TWSG1: variants seen among roughly 807,000 people sequenced by gnomAD.
TWSG1 encodes the protein twisted gastrulation protein homolog 1.
In TWSG1, 15 loss-of-function variants were observed where a neutral mutation model predicts 23.0. The observed-to-expected ratio is 0.65, with a 90% CI of 0.44 to 1.00. The LOEUF is 1.00. Among genes scored for constraint, TWSG1 ranks in the 50% least tolerant of loss-of-function variants. The probability of loss-of-function intolerance (pLI) is 0.00; values close to 1 mark genes in which losing one functional copy is unlikely to be tolerated. For synonymous variants in TWSG1, 86 were observed against 92.8 expected (o/e 0.93, Z 0.42); for missense variants, 242 against 278.7 (o/e 0.87, Z 0.94).
intron 3 of TWSG1, among the ~76,000 whole-genome samples, chr18:9,390,054 C>T (rs2040704789): frequency 6.6e-6 from 1 of 152,228 alleles, no homozygotes; most frequent in Non-Finnish European, 1.5e-5. Context: ...AGCCTTCAGG[C>T]AGTTGTAATC....
chr18:9,349,914 G>A (rs2145598229), intron 2 of TWSG1, among the ~76,000 whole-genome samples: 1 of 152,270 alleles, frequency 6.6e-6, no homozygotes, highest in East Asian at 1.9e-4. Flanking sequence ...GGCTGAGGCG[G>A]GCAGGTCACA....
At chr18:9,336,226 T>A (rs2040422491) in intron 1 of TWSG1, among the ~76,000 whole-genome samples, 1 of 152,044 alleles carries the variant, frequency 6.6e-6, no homozygotes, top group Non-Finnish European at 1.5e-5. Flanking sequence ...ACCCCGTCTC[T>A]ACTAAAAATA....
rs559602441 is a variant in TWSG1, at chr18:9,396,938, A to G, written c.490+392A>G. Reference sequence around the variant, plus strand: ...GCCGGGTGTGGTGGCGGGCGCCTGTAGTCCAGCTACGAGGGAGGCTGAGGC... The same window carrying G: ...GCCGGGTGTGGTGGCGGGCGCCTGTGGTCCAGCTACGAGGGAGGCTGAGGC... On this transcript the variant is annotated intron_variant, in intron 4 of 4. Transcript: ENST00000262120. 1.6e-4 allele frequency: 34 copies of G among 209,094 alleles called. No individual in the cohort carries two copies. In the South Asian group the frequency reaches 4.2e-3, roughly 26 times the overall value. The allele number at this position is 209,094 out of a possible 1,614,324, so 13.0% of individuals were successfully genotyped here.
Position 9,360,011 on chromosome 18 carries a change from T to C in TWSG1, c.163T>C (p.Cys55Arg). The C allele has an allele frequency of 6.2e-7, 1 of 1,613,768 alleles. No homozygotes were observed. Among genetic ancestry groups the C allele is most frequent in the Non-Finnish European group, 8.5e-7 (1 of 1,179,716 alleles). The change falls in exon 3 of 5, where the codon TGC becomes CGC. Residue 55 changes from cysteine to arginine, a missense_variant. Cys to Arg is a radical substitution (Grantham distance 180, BLOSUM62 -3). Transcript: ENST00000262120. ...CCGGCCGGGAGAAGGCAATTGCTCC[T>C]GCTGTAAGGAGTGCATGCTGTGTCT... Reference protein sequence around the residue: ...QCRPGEGNCSCCKECMLCLGA... With the variant: ...QCRPGEGNCSRCKECMLCLGA...
intron 2 of TWSG1, among the ~76,000 whole-genome samples, chr18:9,351,622 G>GTTTTTTTTTTTTTTTTTTTTTTTT (rs71168051): frequency 5.1e-5 from 6 of 116,584 alleles, no homozygotes; most frequent in South Asian, 2.8e-4. Context: ...ACCATGCTGG[G>GTTTTTTTTTTTTTTTTTTTTTTTT]TTTTTTTTTT....
At chr18:9,371,045 A>T (rs1031311379) in intron 3 of TWSG1, among the ~76,000 whole-genome samples, 14 of 152,050 alleles carry the variant, frequency 9.2e-5, no homozygotes, top group Admixed American at 3.3e-4. Context: ...CTTAAAAAAA[A>T]AAAACCCTTT....
At chr18:9,398,036 A>C (rs1377611221) in intron 4 of TWSG1, among the ~76,000 whole-genome samples, 1 of 151,548 alleles carries the variant, frequency 6.6e-6, no homozygotes, top group Admixed American at 6.6e-5. Flanking sequence ...AACCAAGAAA[A>C]CAAAAAACAG....
At chr18:9,368,896 C>T (rs931874373) in intron 3 of TWSG1, among the ~76,000 whole-genome samples, 9 of 151,668 alleles carry the variant, frequency 5.9e-5, no homozygotes, top group South Asian at 2.1e-4. Flanking sequence ...TGCAGTGAGC[C>T]GAGATCATGC....
intron 3 of TWSG1, among the ~76,000 whole-genome samples, chr18:9,389,672 G>T (rs969841251): frequency 2.0e-5 from 3 of 152,086 alleles, no homozygotes; most frequent in Non-Finnish European, 2.9e-5. Context: ...GAAATAGATG[G>T]TTTTTTTCTC....
chr18:9,375,227 GA>G (rs146550592), intron 3 of TWSG1, among the ~76,000 whole-genome samples: 3 of 136,916 alleles, frequency 2.2e-5, no homozygotes, highest in Non-Finnish European at 4.8e-5. Context: ...AGTTAAAAAA[GA>G]AAAAAAAATC....
chr18:9,387,026 C>G (rs946994526), intron 3 of TWSG1, among the ~76,000 whole-genome samples: 3 of 151,962 alleles, frequency 2.0e-5, no homozygotes, highest in African/African-American at 7.3e-5. Flanking sequence ...GATAGAAAAC[C>G]AAGAAAGATA....
intron 2 of TWSG1, among the ~76,000 whole-genome samples, chr18:9,350,509 T>TA: frequency 6.6e-6 from 1 of 152,236 alleles, no homozygotes; most frequent in Non-Finnish European, 1.5e-5. Context: ...CATCTGTACC[T>TA]ACTCCCAACT....
chr18:9,343,648 T>C (rs1055819914), intron 2 of TWSG1, among the ~76,000 whole-genome samples: 3 of 152,178 alleles, frequency 2.0e-5, no homozygotes, highest in Non-Finnish European at 4.4e-5. Flanking sequence ...GGACATTTAA[T>C]ATGAATGGAA....
chr18:9,398,657 C>T (rs2040749043), intron 4 of TWSG1, among the ~76,000 whole-genome samples: 1 of 151,998 alleles, frequency 6.6e-6, no homozygotes, highest in South Asian at 2.1e-4. Context: ...CAGGGTTTCG[C>T]CATGTTAGCC....
At chr18:9,362,246 T>G (rs553823523) in intron 3 of TWSG1, among the ~76,000 whole-genome samples, 1 of 152,306 alleles carries the variant, frequency 6.6e-6, no homozygotes, top group East Asian at 1.9e-4. Flanking sequence ...CTTGCTATGT[T>G]GCCTAGGCTG....
At chr18:9,380,350 G>T (rs2040650881) in intron 3 of TWSG1, among the ~76,000 whole-genome samples, 1 of 152,062 alleles carries the variant, frequency 6.6e-6, no homozygotes. Flanking sequence ...GAAAGCCAGG[G>T]TTCCAGCCAC....
At position 9,399,241 on chromosome 18, in the gene TWSG1, G is replaced by A. The variant is rs947396450; in HGVS notation, c.491-105G>A. On this transcript the variant is annotated intron_variant, in intron 4 of 4. Transcript: ENST00000262120. ...TTTGTCATGTACAGACCAGTAATAA[G>A]AGAACCAAGATAAATAACTGTTAAT... 2.4e-5 allele frequency: 17 copies of A among 706,438 alleles called. No individual in the cohort carries two copies. The Admixed American group carries it at 3.5e-4, about 15-fold the overall frequency. 43.8% of individuals were successfully genotyped at this position (706,438 alleles called of 1,614,324 possible).
chr18:9,373,779 A>G (rs1015182375), intron 3 of TWSG1, among the ~76,000 whole-genome samples: 2 of 152,264 alleles, frequency 1.3e-5, no homozygotes, highest in Admixed American at 1.3e-4. Flanking sequence ...TATGTGAAAC[A>G]TTCACCAAGA....
chr18:9,356,994 CTG>C (rs1197649561), intron 2 of TWSG1, among the ~76,000 whole-genome samples: 1 of 131,070 alleles, frequency 7.6e-6, no homozygotes, highest in Non-Finnish European at 1.6e-5. Flanking sequence ...AAAAAAAAGA[CTG>C]TTAGTATTCT....
Sources: allele counts gnomAD v4.1 joint callset (sites outside exome capture counted in the v4.1 genomes callset), GRCh38; gene constraint gnomAD v4.1.1; transcripts MANE v1.5; gene names NCBI Gene and HGNC (gene_info 2026-07-23, HGNC 2026-07-21).